AMZ1: variants seen among roughly 807,000 people sequenced by gnomAD.
AMZ1 encodes the protein archaemetzincin-1.
AMZ1 carries 39 observed loss-of-function variants against 29.9 expected under a neutral mutation model. The observed-to-expected ratio is 1.30, with a 90% CI of 1.01 to 1.70. The LOEUF is 1.70. Among genes scored for constraint, AMZ1 ranks in the 40% most tolerant of loss-of-function variants. The pLI is 0.00. For missense variants in AMZ1, 1,041 were observed against 680.6 expected (o/e 1.53, Z -5.89); for synonymous variants, 458 against 304.0 (o/e 1.51, Z -5.27).
rs927681200 is a variant in AMZ1, at chr7:2,750,066, A to G, written n.551-14646A>G. On this transcript the variant is annotated intron_variant and non_coding_transcript_variant, in intron 4 of 4. Transcript: ENST00000489665. ...AGAAGCTCCACAAATTCCAAATATG[A>G]TAAGTATGAAGAAACTCATAGCAAG... 3.3e-5 allele frequency among the ~76,000 whole-genome samples: 5 copies of G among 152,354 alleles called. No homozygotes were observed. The East Asian group carries it at 5.8e-4, about 18-fold the overall frequency.
Position 2,712,498 on chromosome 7 carries a change from G to A in AMZ1, c.1117G>A (p.Gly373Arg), listed in dbSNP as rs199663888. 2.7e-4 allele frequency: 439 copies of A among 1,609,046 alleles called. No individual in the cohort carries two copies. The highest frequency in any genetic ancestry group is 1.8e-3 in the African/African-American group (135 of 75,022). The change falls in exon 7 of 7, where the codon GGG (glycine) becomes AGG (arginine). Residue 373 changes from glycine (G) to arginine (R), a missense_variant. Transcript: ENST00000683327. ...GTCGGAGCCCCTCACCCCTGATGCCGGGAGTCACACCTTCGCCTCGGGGCC... is the reference window on the plus strand; with the variant it reads ...GTCGGAGCCCCTCACCCCTGATGCCAGGAGTCACACCTTCGCCTCGGGGCC... ...SVSEPLTPDA[G>R]SHTFASGPEE...
chr7:2,696,757 G>A (rs1787772264), intron 1 of AMZ1, among the ~76,000 whole-genome samples: 2 of 151,952 alleles, frequency 1.3e-5, no homozygotes, highest in South Asian at 4.1e-4. Flanking sequence ...ATGGTGGTGG[G>A]TGCCTGTAGT....
In AMZ1 at chr7:2,731,141, G is replaced by C. The variant is rs751100340; in HGVS notation, n.550+21325G>C. 2.2e-6 allele frequency: 3 copies of C among 1,389,064 alleles called. No homozygotes were observed. The highest frequency in any genetic ancestry group is 2.5e-5 in the South Asian group (2 of 80,318). The allele number at this position is 1,389,064 out of a possible 1,614,324, so 86.0% of individuals were successfully genotyped here. A position where few individuals can be genotyped will look rare whatever the true frequency, so the allele number is the denominator to read the frequency against. On this transcript the variant is annotated intron_variant and non_coding_transcript_variant, in intron 4 of 4. Transcript: ENST00000489665. The surrounding 1 kb of genome is among the most constrained non-coding windows in gnomAD (Gnocchi z 6.0). ...ACCCAAGAGTCTGACCGACAGCCGT[G>C]GGGGCTGCTCAACGACGACAAACCC...
upstream of AMZ1, chr7:2,762,585 T>C (rs752285975): frequency 1.3e-5 from 19 of 1,495,722 alleles, no homozygotes; most frequent in Non-Finnish European, 1.7e-5. Flanking sequence ...AAATTACATT[T>C]ACAAACCCAA....
rs201255912 is a variant in AMZ1, at chr7:2,700,491, C to A, written c.40C>A (p.Pro14Thr). The A allele has an allele frequency of 1.7e-5, 28 of 1,604,448 alleles. No homozygotes were observed. The highest frequency in any genetic ancestry group is 2.3e-5 in the Non-Finnish European group (27 of 1,179,866). Reference sequence around the variant, plus strand: ...ACCCGCACAGGAGTTCAGCTTCGGGCCCCGGGCCTTGAAGGACGCTCTGGT... The same window carrying A: ...ACCCGCACAGGAGTTCAGCTTCGGGACCCGGGCCTTGAAGGACGCTCTGGT... ...CRPAQEFSFG[P>T]RALKDALVST... Residue 14 changes from proline to threonine, a missense_variant, in exon 2 of 7, where the codon CCC (proline) becomes ACC (threonine). By Grantham distance (38) the Pro-to-Thr change is conservative. Transcript: ENST00000683327.
intron 4 of AMZ1, among the ~76,000 whole-genome samples, chr7:2,738,201 G>C (rs545352875): frequency 2.5e-4 from 38 of 152,118 alleles, no homozygotes; most frequent in Non-Finnish European, 5.3e-4. Flanking sequence ...AATCACTTGA[G>C]GTCAGGAGTT....
chr7:2,736,256 C>T (rs1045649619), intron 4 of AMZ1, among the ~76,000 whole-genome samples: 8 of 152,206 alleles, frequency 5.3e-5, no homozygotes, highest in Non-Finnish European at 8.8e-5. Context: ...AGAGTCCTCT[C>T]AACGGCTGCT....
intron 1 of AMZ1, among the ~76,000 whole-genome samples, chr7:2,699,658 G>T (rs1482641509): frequency 6.6e-6 from 1 of 152,204 alleles, no homozygotes; most frequent in East Asian, 1.9e-4. Context: ...GGGGCTCTGG[G>T]TGAGGAGGAA....
intron 4 of AMZ1, among the ~76,000 whole-genome samples, chr7:2,727,087 T>TATA (rs1464877464): frequency 6.6e-6 from 1 of 152,164 alleles, no homozygotes; most frequent in African/African-American, 2.4e-5. Context: ...CAACTTTATT[T>TATA]ATTTACTTTT....
At chr7:2,762,706 C>G, upstream of AMZ1, 1 of 1,568,784 alleles carries the variant, frequency 6.4e-7, no homozygotes, top group South Asian at 1.2e-5. Context: ...GGTGGAGGAG[C>G]GCCAGAGGGA....
chr7:2,708,933 T>C lies in AMZ1; in HGVS notation c.602-142T>C, dbSNP rs908100531. 7.1e-6 allele frequency: 9 copies of C among 1,272,652 alleles called. No homozygotes were observed. In the African/African-American group the frequency reaches 9.1e-5, roughly 13 times the overall value. The allele number at this position is 1,272,652 out of a possible 1,614,324, so 78.8% of individuals were successfully genotyped here. On this transcript the variant is annotated intron_variant, in intron 4 of 6. Transcript: ENST00000683327. ...GCGTCTGCCCCAGGGCCCAACTTCA[T>C]GTGGGCAGGACAGGGCCTCCCAGGA...
intron 4 of AMZ1, among the ~76,000 whole-genome samples, chr7:2,757,509 T>C (rs1183458531): frequency 6.6e-6 from 1 of 152,066 alleles, no homozygotes; most frequent in African/African-American, 2.4e-5. Context: ...ACTCTGCCAG[T>C]ACCAGTGAGC....
rs1242096040 is a variant in AMZ1, at chr7:2,719,222, G to C, written c.*6344G>C. Among the ~76,000 whole-genome samples the C allele has an allele frequency of 6.6e-6, 1 of 152,262 alleles. No homozygotes were observed. Among genetic ancestry groups the C allele is most frequent in the Non-Finnish European group, 1.5e-5 (1 of 68,014 alleles). ...GCAGGTGGCCCCTGTCGGAAGGGGG[G>C]TGTCTCTTTATTCCTGCCATCCTCC... On this transcript the variant is annotated 3_prime_UTR_variant, in exon 7 of 7. Transcript: ENST00000683327.
At chr7:2,738,577 A>G (rs2115317025) in intron 4 of AMZ1, among the ~76,000 whole-genome samples, 2 of 152,254 alleles carry the variant, frequency 1.3e-5, no homozygotes, top group South Asian at 4.1e-4. Flanking sequence ...ATATTTGGAA[A>G]AGGAAACGTG....
At position 2,717,887 on chromosome 7, in the gene AMZ1, G is replaced by A. The variant is rs188302527; in HGVS notation, c.*5009G>A. Among the ~76,000 whole-genome samples the A allele has an allele frequency of 1.5e-3, 224 of 152,272 alleles. No individual in the cohort carries two copies. The highest frequency in any genetic ancestry group is 2.3e-3 in the Non-Finnish European group (158 of 68,020). On this transcript the variant is annotated 3_prime_UTR_variant, in exon 7 of 7. Transcript: ENST00000683327. Reference sequence around the variant, plus strand: ...AAAAGCAATTTCCAAGAAGCGTCCTGGGGTCACCACGCGTTCAGTCCAACT... The same window carrying A: ...AAAAGCAATTTCCAAGAAGCGTCCTAGGGTCACCACGCGTTCAGTCCAACT...
intron 4 of AMZ1, among the ~76,000 whole-genome samples, chr7:2,739,067 C>T (rs1156913899): frequency 2.0e-5 from 3 of 152,198 alleles, no homozygotes; most frequent in African/African-American, 7.2e-5. Flanking sequence ...TCAGGCTCCG[C>T]AGGGTGTGTC....
chr7:2,743,869 T>C (rs549530098), intron 4 of AMZ1, among the ~76,000 whole-genome samples: 1 of 151,998 alleles, frequency 6.6e-6, no homozygotes, highest in South Asian at 2.1e-4. Flanking sequence ...CACACCAGAT[T>C]ACATCCCGCA....
chr7:2,713,425 C>A lies in AMZ1; in HGVS notation c.*547C>A, dbSNP rs1788928143. 6.6e-6 allele frequency: 1 copy of A among 152,616 alleles called. No homozygotes were observed. The highest frequency in any genetic ancestry group is 2.4e-5 in the African/African-American group (1 of 41,464). The allele number at this position is 152,616 out of a possible 1,614,324, so 9.5% of individuals were successfully genotyped here. On this transcript the variant is annotated 3_prime_UTR_variant, in exon 7 of 7. Coordinates refer to ENST00000683327, the MANE Select transcript of AMZ1 (RefSeq NM_001384743.1). The stretch of plus-strand genomic sequence containing the variant: ...GGTTGGGACAGAGCCCCCTCCCCTG[C>A]AGAGGCAGAAGGAAGCAGCGTGCGT...
At chr7:2,732,731 G>A (rs1789964077) in intron 4 of AMZ1, among the ~76,000 whole-genome samples, 1 of 152,148 alleles carries the variant, frequency 6.6e-6, no homozygotes, top group Non-Finnish European at 1.5e-5. Flanking sequence ...AACACTGCAG[G>A]GGTGGAAGAG....
Sources: allele counts gnomAD v4.1 joint callset (sites outside exome capture counted in the v4.1 genomes callset), GRCh38; gene constraint gnomAD v4.1.1; non-coding constraint Gnocchi (gnomAD v3.1); transcripts MANE v1.5; gene names NCBI Gene and HGNC (gene_info 2026-07-23, HGNC 2026-07-21).